HYDIN: variants seen among roughly 807,000 people sequenced by gnomAD.
HYDIN encodes axonemal central pair apparatus protein HYDIN.
Under a neutral mutation model 403.9 loss-of-function variants are expected in HYDIN, and 132 were observed. The ratio of observed to expected loss-of-function variants is 0.33; its 90% CI spans 0.28 to 0.38. HYDIN has a LOEUF of 0.38. Ranked by LOEUF, HYDIN falls within the 10% of genes least tolerant of loss-of-function variation. The pLI is 1.00. For synonymous variants in HYDIN, 1,202 were observed against 1,891.7 expected (o/e 0.64, Z 9.46); for missense variants, 2,827 against 5,009.5 (o/e 0.56, Z 13.15).
At position 70,834,090 on chromosome 16, in the gene HYDIN, G is replaced by C; in HGVS notation, c.13476C>G (p.Ala4492=). The C allele has an allele frequency of 6.2e-7, 1 of 1,608,458 alleles. No homozygotes were observed. Among genetic ancestry groups the C allele is most frequent in the Admixed American group, 1.7e-5 (1 of 59,934 alleles). ...AGAAGGGAGGGACACGCTTCTTCGG[G>C]GCAAAGATGACTTCCAGTTTACAGA... ...KEVCKLEVIF[A]PKKRVPPFSE... Residue 4492 remains alanine (A), a synonymous_variant, in exon 79 of 86, where the codon GCC becomes GCG. Coordinates refer to ENST00000393567, the MANE Select transcript of HYDIN (RefSeq NM_001270974.2).
chr16:70,813,270 C>T (rs1049082818), intron 84 of HYDIN, among the ~76,000 whole-genome samples: 48 of 149,904 alleles, frequency 3.2e-4, no homozygotes, highest in Admixed American at 1.6e-3. Flanking sequence ...TATTCTTGTG[C>T]ACTCTTTCTC....
rs1452966741 is a variant in HYDIN, at chr16:70,804,814, CCTCCCTT to C, written c.*2759_*2765del. 1.3e-5 allele frequency among the ~76,000 whole-genome samples: 2 copies of C among 152,108 alleles called. No individual in the cohort carries two copies. The highest frequency in any genetic ancestry group is 6.5e-5 in the Admixed American group (1 of 15,274). ...ACCTGGGTTCGTTTTTGTTTCTCCC[CCTCCCTT>C]CTCCCTGATCACTTTTATAAAATGT... is the stretch of plus-strand genomic sequence containing the variant. On this transcript the variant is annotated 3_prime_UTR_variant, in exon 86 of 86. Coordinates refer to ENST00000393567, the MANE Select transcript of HYDIN (RefSeq NM_001270974.2).
At chr16:70,894,381 C>T in intron 55 of HYDIN, 68 bp downstream of exon 55, 2 of 1,605,218 alleles carry the variant, frequency 1.2e-6, no homozygotes, top group Non-Finnish European at 8.5e-7. Context: ...TGAACACGAT[C>T]TCATATTTCC....
At position 70,904,065 on chromosome 16, in the gene HYDIN, C is replaced by T. The variant is rs754257972; in HGVS notation, c.8517-1G>A. ...GCCTGGGAATAAGGATGACTTGTACCTGGGGATGAACAAGAATGGGGTTAA... is the reference window on the plus strand; with the variant it reads ...GCCTGGGAATAAGGATGACTTGTACTTGGGGATGAACAAGAATGGGGTTAA... On this transcript the variant is annotated splice_acceptor_variant, in intron 50 of 85. Transcript: ENST00000393567. LOFTEE classifies it high-confidence loss of function. 3.1e-6 allele frequency: 5 copies of T among 1,590,428 alleles called. No individual in the cohort carries two copies. Among genetic ancestry groups the T allele is most frequent in the Non-Finnish European group, 4.3e-6 (5 of 1,173,268 alleles).
Position 70,829,779 on chromosome 16 carries a change from G to C in HYDIN, c.13951C>G (p.Leu4651Val). The change falls in exon 81 of 86, where the codon CTG (leucine) becomes GTG (valine). Residue 4651 changes from leucine (L) to valine (V), a missense_variant. By Grantham distance (32) the Leu-to-Val change is conservative. Transcript: ENST00000393567. ...CAGGTCTGGTTGGTGCGGTTTGACA[G>C]CAGGATGGTCTGCGTGTGCTTGGAG... ...VRSKHTQTIL[L>V]SNRTNQTWNL... 1.2e-6 allele frequency: 2 copies of C among 1,614,048 alleles called. No homozygotes were observed. Among genetic ancestry groups the C allele is most frequent in the Middle Eastern group, 1.7e-4 (1 of 6,054 alleles).
rs1333972568 is a variant in HYDIN at position 70,992,425 on chromosome 16, G to C, written c.3645-215C>G. Reference sequence around the variant, plus strand: ...AAAAAGTTTTCTGACTACCAGTCTAGGCCCAACTTCTTTCCTCTGAGTGTC... The same window carrying C: ...AAAAAGTTTTCTGACTACCAGTCTACGCCCAACTTCTTTCCTCTGAGTGTC... On this transcript the variant is annotated intron_variant, in intron 23 of 85. Transcript: ENST00000393567. 3.6e-5 allele frequency among the ~76,000 whole-genome samples: 5 copies of C among 138,388 alleles called. No individual in the cohort carries two copies. In the East Asian group the frequency reaches 1.1e-3, roughly 29 times the overall value. The allele number at this position is 138,388 out of a possible 152,430, so 90.8% of individuals were successfully genotyped here.
chr16:70,846,135 G>A (rs1449667258), intron 75 of HYDIN, among the ~76,000 whole-genome samples: 1 of 147,400 alleles, frequency 6.8e-6, no homozygotes, highest in Non-Finnish European at 1.5e-5. Flanking sequence ...TGTGATGTTA[G>A]GGTGTCAATT....
chr16:70,995,499 T>C (rs2079501575), intron 23 of HYDIN, among the ~76,000 whole-genome samples: 1 of 152,174 alleles, frequency 6.6e-6, no homozygotes, highest in South Asian at 2.1e-4. Flanking sequence ...TTTTCAACTC[T>C]TGGGGAAGGA....
intron 1 of HYDIN, 129 bp downstream of exon 1, chr16:71,230,433 G>A (rs894186221): frequency 1.5e-4 from 165 of 1,097,548 alleles, no homozygotes; most frequent in Non-Finnish European, 1.8e-4. Flanking sequence ...GCTGAGGAGG[G>A]GAGGGGTCTG....
Position 70,862,031 on chromosome 16 carries a change from C to A in HYDIN, c.11777+17G>T, listed in dbSNP as rs1253853950. ...GTGCCTGCCAAGAAGGGTGTTGTGG[C>A]GAGCACATTTTCTTACTGGCAGAAA... On this transcript the variant is annotated intron_variant, in intron 69 of 85. Coordinates refer to ENST00000393567, the MANE Select transcript of HYDIN (RefSeq NM_001270974.2). 1.3e-6 allele frequency: 2 copies of A among 1,545,466 alleles called. No individual in the cohort carries two copies. The highest frequency in any genetic ancestry group is 1.7e-6 in the Non-Finnish European group (2 of 1,145,276).
chr16:70,910,562 T>C (rs1456621147), intron 47 of HYDIN, among the ~76,000 whole-genome samples: 2 of 151,302 alleles, frequency 1.3e-5, no homozygotes, highest in East Asian at 3.9e-4. Flanking sequence ...AAGTATCTTT[T>C]TCGTATAATG....
intron 13 of HYDIN, among the ~76,000 whole-genome samples, chr16:71,071,135 G>A (rs997586710): frequency 7.0e-6 from 1 of 141,878 alleles, no homozygotes; most frequent in Non-Finnish European, 1.5e-5. Context: ...TAGACGATCT[G>A]TGAATGTGGA....
intron 18 of HYDIN, among the ~76,000 whole-genome samples, chr16:71,048,128 T>C (rs1413855775): frequency 6.7e-6 from 1 of 150,246 alleles, no homozygotes; most frequent in Non-Finnish European, 1.5e-5. Flanking sequence ...TCACTTAATG[T>C]AATATCCTCC....
At chr16:70,843,368 G>T (rs2037970479) in intron 75 of HYDIN, among the ~76,000 whole-genome samples, 1 of 139,128 alleles carries the variant, frequency 7.2e-6, no homozygotes, top group Non-Finnish European at 1.5e-5. Context: ...CAAAGGACAT[G>T]AACTCATCAT....
At chr16:71,026,441 T>A (rs2080702792) in intron 20 of HYDIN, among the ~76,000 whole-genome samples, 1 of 152,120 alleles carries the variant, frequency 6.6e-6, no homozygotes, top group Non-Finnish European at 1.5e-5. Flanking sequence ...TAAGCTGAGT[T>A]TAGTCCCCCA....
chr16:70,981,821 TA>T (rs773455199), intron 28 of HYDIN, among the ~76,000 whole-genome samples: 1 of 151,772 alleles, frequency 6.6e-6, no homozygotes, highest in Non-Finnish European at 1.5e-5. Context: ...GAAAAGTCAC[TA>T]AAAATGTAAA....
chr16:71,033,952 AGAG>A (rs1305167636), intron 18 of HYDIN, among the ~76,000 whole-genome samples: 2 of 152,190 alleles, frequency 1.3e-5, no homozygotes, highest in African/African-American at 4.8e-5. Flanking sequence ...CTGCAAAAGA[AGAG>A]ATGTGGAGAG....
Position 70,879,283 on chromosome 16 carries a change from C to T in HYDIN, c.10557+14G>A, listed in dbSNP as rs1371067855. On this transcript the variant is annotated intron_variant, in intron 62 of 85. Coordinates refer to ENST00000393567, the MANE Select transcript of HYDIN (RefSeq NM_001270974.2). Reference sequence around the variant, plus strand: ...TTCTCCCTTTCAGCCTCATGCTTCACCCTCGAGTATTACCTGGGCAGGGAG... The same window carrying T: ...TTCTCCCTTTCAGCCTCATGCTTCATCCTCGAGTATTACCTGGGCAGGGAG... 1.2e-5 allele frequency: 14 copies of T among 1,199,700 alleles called. No individual in the cohort carries two copies. Among genetic ancestry groups the T allele is most frequent in the Non-Finnish European group, 1.7e-5 (14 of 846,936 alleles). 74.3% of individuals were successfully genotyped at this position (1,199,700 alleles called of 1,614,324 possible). A position where few individuals can be genotyped will look rare whatever the true frequency, so the allele number is the denominator to read the frequency against.
intron 10 of HYDIN, among the ~76,000 whole-genome samples, chr16:71,101,802 T>C (rs2083463186): frequency 6.6e-6 from 1 of 152,140 alleles, no homozygotes; most frequent in Admixed American, 6.5e-5. Flanking sequence ...TAAACCTGAG[T>C]GTATACATCC....
Sources: allele counts gnomAD v4.1 joint callset (sites outside exome capture counted in the v4.1 genomes callset), GRCh38; gene constraint gnomAD v4.1.1; transcripts MANE v1.5; gene names NCBI Gene and HGNC (gene_info 2026-07-23, HGNC 2026-07-21).